Variants in ANTXR2 observed in about 807,000 individuals in gnomAD.
ANTXR2 encodes ANTXR cell adhesion molecule 2, also known as anthrax toxin receptor 2.
Under a neutral mutation model 73.7 loss-of-function variants are expected in ANTXR2, and 44 were observed. The observed-to-expected ratio is 0.60, with a 90% CI of 0.47 to 0.77. ANTXR2 has a LOEUF of 0.77. Among genes scored for constraint, ANTXR2 ranks in the 30% least tolerant of loss-of-function variants. The pLI is 0.00. For missense variants in ANTXR2, 604 were observed against 592.5 expected (o/e 1.02, Z -0.20); for synonymous variants, 217 against 205.9 (o/e 1.05, Z -0.46).
At chr4:79,921,087 T>A (rs1249205034) in intron 16 of ANTXR2, among the ~76,000 whole-genome samples, 1 of 152,126 alleles carries the variant, frequency 6.6e-6, no homozygotes, top group South Asian at 2.1e-4. Context: ...AAAATAGTAA[T>A]TTTTTGCTAC....
At chr4:79,978,379 A>G (rs1264081703) in intron 14 of ANTXR2, among the ~76,000 whole-genome samples, 2 of 152,132 alleles carry the variant, frequency 1.3e-5, no homozygotes, top group African/African-American at 2.4e-5. Flanking sequence ...CAAAAAAAAA[A>G]AAAACCCTTT....
chr4:79,973,230 A>G (rs1028052771), intron 16 of ANTXR2, among the ~76,000 whole-genome samples: 17 of 152,242 alleles, frequency 1.1e-4, no homozygotes, highest in Admixed American at 1.1e-3. Context: ...GGGCCCTTCA[A>G]TTATCCTAAT....
chr4:80,036,607 C>A (rs1002988946), intron 7 of ANTXR2, among the ~76,000 whole-genome samples: 1 of 151,984 alleles, frequency 6.6e-6, no homozygotes, highest in African/African-American at 2.4e-5. Context: ...TCAAGACCAG[C>A]CTGGCCAACA....
intron 16 of ANTXR2, among the ~76,000 whole-genome samples, chr4:79,950,207 ATT>A (rs1474311473): frequency 2.0e-5 from 3 of 152,160 alleles, no homozygotes; most frequent in African/African-American, 7.2e-5. Flanking sequence ...CTCTATTCAT[ATT>A]CTTTCTGCAG....
At chr4:79,949,336 A>C (rs1728622295) in intron 16 of ANTXR2, among the ~76,000 whole-genome samples, 1 of 152,174 alleles carries the variant, frequency 6.6e-6, no homozygotes, top group African/African-American at 2.4e-5. Flanking sequence ...ACACTAAACA[A>C]GGATGGCTAG....
At chr4:79,909,390 G>A (rs1727037526) in intron 16 of ANTXR2, among the ~76,000 whole-genome samples, 1 of 152,116 alleles carries the variant, frequency 6.6e-6, no homozygotes, top group African/African-American at 2.4e-5. Flanking sequence ...ATGGTTAGTA[G>A]AGTGTTAACT....
intron 16 of ANTXR2, among the ~76,000 whole-genome samples, chr4:79,919,863 T>TAA (rs1491209102): frequency 0.026 from 113 of 4,372 alleles, 13 homozygotes; most frequent in East Asian, 0.15. Flanking sequence ...CTAATACATA[T>TAA]TTTATATATA....
intron 12 of ANTXR2, among the ~76,000 whole-genome samples, chr4:79,993,591 T>G (rs950775337): frequency 9.9e-5 from 15 of 152,014 alleles, no homozygotes; most frequent in Admixed American, 5.3e-4. Flanking sequence ...TTTGAATTAC[T>G]GCAATCAAGA....
intron 16 of ANTXR2, among the ~76,000 whole-genome samples, chr4:79,960,118 T>C (rs899155866): frequency 2.0e-5 from 3 of 152,194 alleles, no homozygotes; most frequent in East Asian, 1.9e-4. Flanking sequence ...TCTGTGTGTA[T>C]GTCTCACCAA....
intron 16 of ANTXR2, among the ~76,000 whole-genome samples, chr4:79,943,714 A>G (rs1369987404): frequency 7.0e-6 from 1 of 142,686 alleles, no homozygotes; most frequent in African/African-American, 2.6e-5. Context: ...GTGCACATGT[A>G]CCCTAAAACT....
intron 11 of ANTXR2, among the ~76,000 whole-genome samples, chr4:80,017,522 C>T (rs1731931823): frequency 2.7e-5 from 2 of 73,626 alleles, no homozygotes; most frequent in East Asian, 1.2e-3. Context: ...ACTAGAAAGT[C>T]TTCCTTAAAG....
At chr4:79,961,055 C>T (rs1182181938) in intron 16 of ANTXR2, among the ~76,000 whole-genome samples, 1 of 151,870 alleles carries the variant, frequency 6.6e-6, no homozygotes, top group East Asian at 1.9e-4. Context: ...CACAAAGGCA[C>T]CATCATAATG....
chr4:79,951,595 A>AC (rs1560897115), intron 16 of ANTXR2, among the ~76,000 whole-genome samples: 2 of 68,174 alleles, frequency 2.9e-5, no homozygotes, highest in Admixed American at 2.2e-4. Flanking sequence ...CAACAACAAA[A>AC]AAAAAAAAAC....
chr4:80,059,184 T>C (rs1734132410), intron 3 of ANTXR2, among the ~76,000 whole-genome samples: 1 of 152,046 alleles, frequency 6.6e-6, no homozygotes, highest in Non-Finnish European at 1.5e-5. Flanking sequence ...CAGCCTCAAA[T>C]ACTTTTTTGA....
intron 10 of ANTXR2, among the ~76,000 whole-genome samples, chr4:80,028,986 AC>A (rs1561014172): frequency 6.6e-6 from 1 of 152,162 alleles, no homozygotes; most frequent in African/African-American, 2.4e-5. Context: ...GGAAAGGAAG[AC>A]AAAAGCAATT....
intron 7 of ANTXR2, among the ~76,000 whole-genome samples, chr4:80,050,474 G>A (rs1244717639): frequency 6.6e-6 from 1 of 151,546 alleles, no homozygotes; most frequent in Non-Finnish European, 1.5e-5. Flanking sequence ...TTAGCCCTGG[G>A]TTAGTTTCCT....
chr4:80,054,467 A>T (rs532843225), intron 6 of ANTXR2, 115 bp from the exon 7 acceptor site: 4 of 714,896 alleles, frequency 5.6e-6, no homozygotes, highest in South Asian at 1.9e-5. Flanking sequence ...GGATTAATTT[A>T]CCAGCGTGAT....
chr4:80,064,329 T>A (rs895956041), intron 3 of ANTXR2, among the ~76,000 whole-genome samples: 10 of 152,186 alleles, frequency 6.6e-5, no homozygotes, highest in Admixed American at 6.5e-4. Context: ...TATAAGATTA[T>A]TTATTATGTG....
At chr4:79,962,844 G>A (rs1417113260) in intron 16 of ANTXR2, among the ~76,000 whole-genome samples, 1 of 151,966 alleles carries the variant, frequency 6.6e-6, no homozygotes, top group African/African-American at 2.4e-5. Flanking sequence ...TGATTTTTGG[G>A]GTAATAATAT....
Sources: gnomAD v4.1 joint callset for allele counts (sites outside exome capture counted in the v4.1 genomes callset) on GRCh38, gnomAD v4.1.1 for gene constraint, MANE v1.5 for transcripts, NCBI Gene and HGNC (gene_info 2026-07-23, HGNC 2026-07-21) for gene names.